WNT5B: variants seen among roughly 807,000 people sequenced by gnomAD.
The protein encoded by WNT5B is protein Wnt-5b.
Under a neutral mutation model 36.5 loss-of-function variants are expected in WNT5B, and 18 were observed. The ratio of observed to expected loss-of-function variants is 0.49; its 90% CI spans 0.34 to 0.73. The LOEUF (loss-of-function observed/expected upper bound fraction) is 0.73, where lower values mean the gene tolerates loss of function less well. Among genes scored for constraint, WNT5B ranks in the 30% least tolerant of loss-of-function variants. The pLI, the probability that WNT5B is intolerant of heterozygous loss-of-function variation, is 0.01. For synonymous variants in WNT5B, 213 were observed against 212.3 expected, an observed-to-expected ratio of 1.00 and a Z score of -0.03; for missense variants, 424 against 508.4, an observed-to-expected ratio of 0.83 and a Z score of 1.60.
rs1044849335 is a variant in WNT5B, at chr12:1,632,498, G to C, written c.81-160G>C. ...TTCATGCCTCAGATTCCTTCAGTTTGTCCTTTGAAGGCCAGCACTCTGATT... is the reference window on the plus strand; with the variant it reads ...TTCATGCCTCAGATTCCTTCAGTTTCTCCTTTGAAGGCCAGCACTCTGATT... On this transcript the variant is annotated intron_variant, in intron 2 of 4. Transcript: ENST00000397196. The surrounding 1 kb of genome is among the most constrained non-coding windows in gnomAD (Gnocchi z 5.8). 2.6e-5 allele frequency among the ~76,000 whole-genome samples: 4 copies of C among 152,172 alleles called. No homozygotes were observed. The highest frequency in any genetic ancestry group is 9.7e-5 in the African/African-American group (4 of 41,446).
chr12:1,619,415 G>A (rs183229705), intron 1 of WNT5B, among the ~76,000 whole-genome samples: 67 of 152,228 alleles, frequency 4.4e-4, no homozygotes, highest in African/African-American at 1.4e-3. Context: ...AGAGACCCTC[G>A]GGAGAAATAA....
chr12:1,622,999 A>G (rs969657947), intron 1 of WNT5B, among the ~76,000 whole-genome samples: 6 of 152,046 alleles, frequency 3.9e-5, no homozygotes, highest in African/African-American at 1.5e-4. Context: ...TCGGCAAGGC[A>G]CAGCGGGGAG....
chr12:1,645,304 G>A (rs894192097), intron 4 of WNT5B, among the ~76,000 whole-genome samples: 1 of 152,174 alleles, frequency 6.6e-6, no homozygotes, highest in Admixed American at 6.5e-5. Context: ...AGTGGCACAA[G>A]CATAGCTTGC....
At chr12:1,628,834 C>T (rs1417431645), upstream of WNT5B, among the ~76,000 whole-genome samples, 1 of 152,188 alleles carries the variant, frequency 6.6e-6, no homozygotes, top group Non-Finnish European at 1.5e-5. Context: ...AAACAGCTGC[C>T]TGGCTTCAGT....
intron 3 of WNT5B, among the ~76,000 whole-genome samples, chr12:1,639,091 A>C (rs2094567657): frequency 6.6e-6 from 1 of 151,956 alleles, no homozygotes; most frequent in Non-Finnish European, 1.5e-5. Flanking sequence ...GCTCTTCTGC[A>C]GTGGATATTA....
upstream of WNT5B, among the ~76,000 whole-genome samples, chr12:1,628,472 C>T (rs1179997051): frequency 1.3e-5 from 2 of 152,170 alleles, no homozygotes; most frequent in Non-Finnish European, 2.9e-5. Context: ...TGACACTTGC[C>T]TCTTAGGAAG....
intron 4 of WNT5B, among the ~76,000 whole-genome samples, chr12:1,640,453 C>T (rs2094572917): frequency 6.6e-6 from 1 of 152,192 alleles, no homozygotes; most frequent in Non-Finnish European, 1.5e-5. Context: ...AGTCAAAAAA[C>T]ACATTCAAAT....
At chr12:1,642,517 A>G (rs2154439843) in intron 4 of WNT5B, among the ~76,000 whole-genome samples, 1 of 152,116 alleles carries the variant, frequency 6.6e-6, no homozygotes, top group East Asian at 1.9e-4. Flanking sequence ...TCAACCCTGT[A>G]TGTGCTGTAT....
intron 2 of WNT5B, among the ~76,000 whole-genome samples, chr12:1,631,680 C>T (rs1192439519): frequency 1.3e-5 from 2 of 152,202 alleles, no homozygotes; most frequent in Non-Finnish European, 2.9e-5. Flanking sequence ...CATTCCTTTT[C>T]CTTGGACCTT....
chr12:1,637,404 G>T (rs116614315), intron 3 of WNT5B, among the ~76,000 whole-genome samples: 8,834 of 152,124 alleles, frequency 0.058, 439 homozygotes, highest in East Asian at 0.23. Context: ...AATGTGAATA[G>T]GCAATAAAGT....
chr12:1,617,586 A>G (rs903993895), intron 1 of WNT5B, among the ~76,000 whole-genome samples: 1 of 152,084 alleles, frequency 6.6e-6, no homozygotes, highest in African/African-American at 2.4e-5. Flanking sequence ...AGCCATGATC[A>G]CACCACTGCA....
Position 1,639,799 on chromosome 12 carries a change from G to T in WNT5B, c.444G>T (p.Arg148=), listed in dbSNP as rs1303705443. The T allele has an allele frequency of 6.2e-7, 1 of 1,612,944 alleles. No individual in the cohort carries two copies. The highest frequency in any genetic ancestry group is 8.5e-7 in the Non-Finnish European group (1 of 1,179,524). Residue 148 remains arginine (R), a synonymous_variant, in exon 4 of 5, where the codon CGG becomes CGT. Transcript: ENST00000397196. ...LSTCGCSRTA[R]PKDLPRDWLW... is the part of the protein sequence containing the mutation. ...CCTGCGGCTGCAGCCGGACGGCGCG[G>T]CCCAAGGACCTGCCCCGGGACTGGC...
At chr12:1,619,139 AC>A (rs1197961083) in intron 1 of WNT5B, among the ~76,000 whole-genome samples, 1 of 7,682 alleles carries the variant, frequency 1.3e-4, no homozygotes, top group Non-Finnish European at 2.9e-4. Flanking sequence ...GCCCCTCCCC[AC>A]CCCTAAGACA....
chr12:1,636,497 CTATATATATATA>C (rs56095993), intron 3 of WNT5B, among the ~76,000 whole-genome samples: 1,958 of 81,036 alleles, frequency 0.024, 38 homozygotes, highest in East Asian at 0.061. Flanking sequence ...GTGTTGCAGT[CTATATATATATA>C]TATATATATA....
intron 4 of WNT5B, among the ~76,000 whole-genome samples, chr12:1,641,854 C>G (rs557073940): frequency 1.5e-4 from 23 of 152,130 alleles, no homozygotes; most frequent in Non-Finnish European, 2.9e-4. Context: ...TATTGGAGCA[C>G]ATATCAAAGA....
In WNT5B at chr12:1,631,421, G is replaced by A. The variant is rs1477863450; in HGVS notation, c.67G>A (p.Ala23Thr). Residue 23 changes from alanine to threonine, a missense_variant, in exon 2 of 5, where the codon GCC becomes ACC. Ala to Thr is a moderately conservative substitution (Grantham distance 58). Transcript: ENST00000397196. ...CAGCTGGGCTCAGCTTCTGACAGAC[G>A]CCAACTCCTGGTGGTGAGTAAGAGG... is the stretch of plus-strand genomic sequence containing the variant. ...LSSWAQLLTD[A>T]NSWWSLALNP... The A allele has an allele frequency of 5.6e-6, 9 of 1,613,958 alleles. No individual in the cohort carries two copies. Among genetic ancestry groups the A allele is most frequent in the Admixed American group, 5.0e-5 (3 of 60,000 alleles).
intron 2 of WNT5B, among the ~76,000 whole-genome samples, chr12:1,631,770 T>C (rs750399802): frequency 6.6e-6 from 1 of 152,140 alleles, no homozygotes; most frequent in Non-Finnish European, 1.5e-5. Context: ...GTTCCTTTGT[T>C]TTGTGTGTTT....
chr12:1,630,171 C>T lies in WNT5B; in HGVS notation c.-58+800C>T, dbSNP rs1467164337. 1.0e-6 allele frequency: 1 copy of T among 985,388 alleles called. No homozygotes were observed. Among genetic ancestry groups the T allele is most frequent in the African/African-American group, 1.7e-5 (1 of 57,326 alleles). The allele number at this position is 985,388 out of a possible 1,614,324, so 61.0% of individuals were successfully genotyped here. On this transcript the variant is annotated intron_variant, in intron 1 of 4. Transcript: ENST00000397196. This position sits in a 1 kb window ranked among gnomAD's most constrained non-coding sequence, Gnocchi z 5.3. ...CGCCCCCTCCCGGGGAGCCTGGGGA[C>T]GCCGACGCGCGAGAGTGGCGCAGTG...
intron 2 of WNT5B, among the ~76,000 whole-genome samples, chr12:1,631,670 C>T (rs2094551149): frequency 6.6e-6 from 1 of 152,246 alleles, no homozygotes; most frequent in Non-Finnish European, 1.5e-5. Flanking sequence ...ATCCTGTCCA[C>T]ATTCCTTTTC....
Sources: allele counts gnomAD v4.1 joint callset (sites outside exome capture counted in the v4.1 genomes callset), GRCh38; gene constraint gnomAD v4.1.1; non-coding constraint Gnocchi (gnomAD v3.1); transcripts MANE v1.5; gene names NCBI Gene and HGNC (gene_info 2026-07-23, HGNC 2026-07-21).